FKBP5: variants seen among roughly 807,000 people sequenced by gnomAD.
The protein encoded by FKBP5 is FKBP prolyl isomerase 5.
A neutral mutation model predicts 50.5 loss-of-function variants in FKBP5; 23 were observed. The observed-to-expected ratio is 0.46, with a 90% CI of 0.33 to 0.65. The LOEUF is 0.65. FKBP5 is among the 30% of genes least tolerant of loss of function. The probability of loss-of-function intolerance (pLI) is 0.02; values close to 1 mark genes in which losing one functional copy is unlikely to be tolerated. For synonymous variants in FKBP5, 176 were observed against 190.6 expected (o/e 0.92, Z 0.63); for missense variants, 411 against 553.1 (o/e 0.74, Z 2.58).
At chr6:35,614,909 G>T (rs1404901455) in intron 5 of FKBP5, among the ~76,000 whole-genome samples, 2 of 152,090 alleles carry the variant, frequency 1.3e-5, no homozygotes, top group Admixed American at 1.3e-4. Flanking sequence ...CAGATCACGA[G>T]GTCAGGAGTT....
chr6:35,589,134 T>A (rs1230124810), intron 7 of FKBP5, among the ~76,000 whole-genome samples: 13 of 142,004 alleles, frequency 9.2e-5, no homozygotes, highest in African/African-American at 2.6e-4. Flanking sequence ...ATATATTTTT[T>A]TTTTTTTCCT....
intron 5 of FKBP5, among the ~76,000 whole-genome samples, chr6:35,612,376 C>T (rs921828937): frequency 6.6e-6 from 1 of 152,054 alleles, no homozygotes; most frequent in Non-Finnish European, 1.5e-5. Flanking sequence ...GCCCACTGCA[C>T]TCCAGCTTGG....
chr6:35,665,287 GCTC>G (rs1282209803), intron 1 of FKBP5, among the ~76,000 whole-genome samples: 2 of 147,782 alleles, frequency 1.4e-5, no homozygotes, highest in South Asian at 2.1e-4. Flanking sequence ...ACTAGTAAAT[GCTC>G]CTCTTTTTTT....
intron 1 of FKBP5, chr6:35,728,433 T>G (rs1382128017): frequency 6.6e-6 from 1 of 152,270 alleles, no homozygotes; most frequent in East Asian, 1.9e-4. Flanking sequence ...GGAGAAGCAC[T>G]CTCCTCACCC....
chr6:35,582,385 G>T, intron 8 of FKBP5: 1 of 779,866 alleles, frequency 1.3e-6, no homozygotes, highest in Non-Finnish European at 1.6e-6. Context: ...AGCATTTGGG[G>T]AGGGAATTAG....
At chr6:35,724,154 C>T (rs573006238) in intron 1 of FKBP5, among the ~76,000 whole-genome samples, 13 of 152,270 alleles carry the variant, frequency 8.5e-5, no homozygotes, top group Non-Finnish European at 1.6e-4. Flanking sequence ...TAAGAGAGGC[C>T]GTGTCACTGT....
Position 35,622,868 on chromosome 6 carries a change from T to C in FKBP5, c.251-2594A>G, listed in dbSNP as rs147738114. The stretch of plus-strand genomic sequence containing the variant: ...TATCTGTGTAAACTTGTGCAAGTTA[T>C]TTAATCTCTGTGCTTAGTCTCCTCA... On this transcript the variant is annotated intron_variant, in intron 3 of 10. Coordinates refer to ENST00000357266, the MANE Select transcript of FKBP5 (RefSeq NM_004117.4). Among the ~76,000 whole-genome samples the C allele has an allele frequency of 1.4e-4, 21 of 152,352 alleles. No homozygotes were observed. The East Asian group carries it at 3.5e-3, about 25-fold the overall frequency.
chr6:35,646,558 A>G (rs1484004999), intron 1 of FKBP5, among the ~76,000 whole-genome samples: 2 of 152,258 alleles, frequency 1.3e-5, no homozygotes, highest in East Asian at 3.8e-4. Flanking sequence ...CCTTGATTGA[A>G]TGTTATATAA....
intron 1 of FKBP5, among the ~76,000 whole-genome samples, chr6:35,683,958 T>C (rs559654484): frequency 1.5e-4 from 23 of 152,184 alleles, no homozygotes; most frequent in African/African-American, 5.1e-4. Flanking sequence ...CTCAGGAGGC[T>C]GAGGCAGGAA....
intron 2 of FKBP5, among the ~76,000 whole-genome samples, chr6:35,701,404 C>T (rs1401811685): frequency 4.6e-5 from 7 of 151,310 alleles, no homozygotes; most frequent in South Asian, 2.1e-4. Context: ...CCACTACACC[C>T]GGCTAATTTT....
chr6:35,725,943 T>C (rs899260091), intron 1 of FKBP5, among the ~76,000 whole-genome samples: 2 of 152,176 alleles, frequency 1.3e-5, no homozygotes, highest in African/African-American at 4.8e-5. Context: ...CTGATGTTCC[T>C]TTTGCAACCA....
chr6:35,691,131 A>C (rs116401723), upstream of FKBP5, among the ~76,000 whole-genome samples: 300 of 152,320 alleles, frequency 2.0e-3, no homozygotes, highest in African/African-American at 7.0e-3. Context: ...AGTGACATAC[A>C]CGTAACATGT....
chr6:35,725,744 G>A (rs1336850989), intron 1 of FKBP5, among the ~76,000 whole-genome samples: 1 of 152,168 alleles, frequency 6.6e-6, no homozygotes, highest in Non-Finnish European at 1.5e-5. Flanking sequence ...AAAGCGGCCA[G>A]TGTAGGACTG....
At chr6:35,724,773 G>A (rs1766670057) in intron 1 of FKBP5, among the ~76,000 whole-genome samples, 1 of 148,584 alleles carries the variant, frequency 6.7e-6, no homozygotes, top group African/African-American at 2.5e-5. Flanking sequence ...AAAAAAAAAA[G>A]GTGCTGGCTT....
intron 5 of FKBP5, 90 bp from the exon 6 acceptor site, chr6:35,597,494 CAAATACCATTTCCCCTTTCTCAT>C: frequency 7.2e-7 from 1 of 1,397,114 alleles, no homozygotes. Flanking sequence ...GACAATGTAG[CAAATACCATTTCCCCTTTCTCAT>C]TTCATCAAGA....
At chr6:35,600,845 G>C (rs1763124566) in intron 5 of FKBP5, among the ~76,000 whole-genome samples, 1 of 152,144 alleles carries the variant, frequency 6.6e-6, no homozygotes, top group South Asian at 2.1e-4. Flanking sequence ...TTTTCAGCTT[G>C]ATGTATGTAC....
chr6:35,692,807 A>G (rs1302877611), upstream of FKBP5, among the ~76,000 whole-genome samples: 3 of 151,014 alleles, frequency 2.0e-5, no homozygotes, highest in South Asian at 2.1e-4. Flanking sequence ...AAAAAAAAAA[A>G]AGAAGAGAAT....
At chr6:35,728,017 C>T (rs1003157830) in intron 1 of FKBP5, among the ~76,000 whole-genome samples, 64 of 152,288 alleles carry the variant, frequency 4.2e-4, no homozygotes, top group Middle Eastern at 3.4e-3. Context: ...ATGGTTGCGG[C>T]GGCCGGGAGG....
At chr6:35,650,678 T>G (rs1764774745) in intron 1 of FKBP5, among the ~76,000 whole-genome samples, 1 of 152,078 alleles carries the variant, frequency 6.6e-6, no homozygotes, top group Admixed American at 6.6e-5. Context: ...TTTCGCCATG[T>G]TAGCCATGCT....
Sources: gnomAD v4.1 joint callset for allele counts (sites outside exome capture counted in the v4.1 genomes callset) on GRCh38, gnomAD v4.1.1 for gene constraint, MANE v1.5 for transcripts, NCBI Gene and HGNC (gene_info 2026-07-23, HGNC 2026-07-21) for gene names.